The following UBR4 variants were observed in gnomAD, a reference collection of about 807,000 sequenced individuals.
UBR4 encodes the protein ubiquitin protein ligase E3 component n-recognin 4.
Under a neutral mutation model 575.6 loss-of-function variants are expected in UBR4, and 124 were observed. That is an observed-to-expected ratio of 0.22 (90% confidence interval 0.19 to 0.25). UBR4 has a LOEUF of 0.25. Ranked by LOEUF, UBR4 falls within the 10% of genes least tolerant of loss-of-function variation. The pLI is 1.00. For synonymous variants in UBR4, 2,455 were observed against 2,473.7 expected (o/e 0.99, Z 0.22); for missense variants, 4,818 against 6,478.8 (o/e 0.74, Z 8.80).
At chr1:19,119,477 T>C in intron 70 of UBR4, 80 bp downstream of exon 70, 2 of 1,546,436 alleles carry the variant, frequency 1.3e-6, no homozygotes, top group Non-Finnish European at 1.8e-6. Flanking sequence ...TATATCTGGG[T>C]TGTTCATAAT....
rs2149325728 is a variant in UBR4 at position 19,112,604 on chromosome 1, C to T, written c.11721G>A (p.Arg3907=). The change falls in exon 78 of 106, where the codon CGG becomes CGA. Residue 3907 remains arginine, a synonymous_variant. Coordinates refer to ENST00000375254, the MANE Select transcript of UBR4 (RefSeq NM_020765.3). The part of the protein sequence containing the change: ...RHILVSQGLI[R]ELFDYNLRRG... ...GGCGAAGATTATAATCAAAGAGCTC[C>T]CGGATAAGGCCCTGGGAGACAAGGA... 6.2e-7 allele frequency: 1 copy of T among 1,614,244 alleles called. No homozygotes were observed.
At chr1:19,205,740 A>C (rs2092974432) in intron 1 of UBR4, among the ~76,000 whole-genome samples, 1 of 151,738 alleles carries the variant, frequency 6.6e-6, no homozygotes, top group Non-Finnish European at 1.5e-5. Flanking sequence ...TCCTTTGAAG[A>C]CTTTTAGGAA....
rs773858051 is a variant in UBR4 at position 19,139,087 on chromosome 1, G to A, written c.8727C>T (p.His2909=). ...GSAVDSVAGE[H]SVSGRSSAYG... ...ACCCCCGCCATGGCACATTACCACT[G>A]TGCTCGCCAGCCACTGAGTCCACTG... Residue 2909 remains histidine (H), a synonymous_variant, in exon 59 of 106, where the codon CAC becomes CAT. Transcript: ENST00000375254. The surrounding 1 kb of genome is among the most constrained non-coding windows in gnomAD (Gnocchi z 4.2). 12 of 1,611,918 alleles carry A rather than the reference G, an allele frequency of 7.4e-6. No homozygotes were observed. The highest frequency in any genetic ancestry group is 1.0e-5 in the Non-Finnish European group (12 of 1,178,868).
intron 52 of UBR4, among the ~76,000 whole-genome samples, chr1:19,146,517 AG>A (rs5772831): frequency 6.6e-6 from 1 of 152,268 alleles, no homozygotes; most frequent in Non-Finnish European, 1.5e-5. Flanking sequence ...TAAAGCAACC[AG>A]GGCCCAACCA....
intron 38 of UBR4, 79 bp from the exon 39 acceptor site, chr1:19,160,360 G>C: frequency 7.6e-7 from 1 of 1,323,214 alleles, no homozygotes; most frequent in African/African-American, 1.5e-5. Flanking sequence ...AAATCATCTT[G>C]CCAGTAACTT....
chr1:19,202,727 G>T (rs936281522), intron 1 of UBR4, among the ~76,000 whole-genome samples: 9 of 152,078 alleles, frequency 5.9e-5, no homozygotes. Context: ...AGGTTTAAAG[G>T]CTGGATACAT....
chr1:19,198,099 C>T (rs761712636), intron 5 of UBR4, 50 bp from the exon 6 acceptor site: 15 of 1,571,524 alleles, frequency 9.5e-6, no homozygotes, highest in East Asian at 2.2e-5. Flanking sequence ...CTTCACCAAA[C>T]CAACTGTCAA....
rs780095432 is a variant in UBR4 at position 19,093,293 on chromosome 1, G to A, written c.14111+20C>T. On this transcript the variant is annotated intron_variant, in intron 96 of 105. Transcript: ENST00000375254. The surrounding 1 kb of genome is among the most constrained non-coding windows in gnomAD (Gnocchi z 4.8). The stretch of plus-strand genomic sequence containing the variant: ...GGCAAAGCGAAGGCAAAGCAGCCCC[G>A]CTGCGGGAGGGCTTCATACTTCTTG... 1.2e-5 allele frequency: 19 copies of A among 1,608,694 alleles called. No individual in the cohort carries two copies. The highest frequency in any genetic ancestry group is 2.2e-5 in the South Asian group (2 of 90,690).
intron 12 of UBR4, 55 bp downstream of exon 12, chr1:19,187,386 C>A: frequency 6.2e-7 from 1 of 1,611,372 alleles, no homozygotes. Context: ...GCTTGCTTGG[C>A]CAGAAGTGGA....
At chr1:19,156,064 T>A (rs769587018) in intron 42 of UBR4, among the ~76,000 whole-genome samples, 4 of 152,018 alleles carry the variant, frequency 2.6e-5, no homozygotes, top group African/African-American at 7.3e-5. Context: ...TGGAGTGGAG[T>A]GGCGTGGCAT....
chr1:19,110,861 A>G lies in UBR4; in HGVS notation c.11802-29T>C, dbSNP rs1205701212. The G allele has an allele frequency of 6.2e-7, 1 of 1,602,030 alleles. No homozygotes were observed. Among genetic ancestry groups the G allele is most frequent in the Non-Finnish European group, 8.5e-7 (1 of 1,171,052 alleles). Reference sequence around the variant, plus strand: ...CAGAAGCAAATAGAAATGGAGTCCTATAATTCACAATCAGGTGTGACACTC... The same window carrying G: ...CAGAAGCAAATAGAAATGGAGTCCTGTAATTCACAATCAGGTGTGACACTC... On this transcript the variant is annotated intron_variant, in intron 78 of 105. Transcript: ENST00000375254. The surrounding 1 kb of genome is among the most constrained non-coding windows in gnomAD (Gnocchi z 4.5).
At chr1:19,168,273 A>C (rs1571370357) in intron 27 of UBR4, 89 bp from the exon 28 acceptor site, 1 of 1,301,864 alleles carries the variant, frequency 7.7e-7, no homozygotes, top group Admixed American at 2.6e-5. Context: ...ATAAACTAAG[A>C]CCCCACTGAC....
intron 83 of UBR4, 142 bp from the exon 84 acceptor site, chr1:19,105,984 C>T (rs1236575673): frequency 3.7e-6 from 2 of 539,182 alleles, no homozygotes; most frequent in Admixed American, 3.8e-5. Context: ...GTAAAAATCA[C>T]CAGCTAACAC....
intron 64 of UBR4, among the ~76,000 whole-genome samples, chr1:19,125,372 G>C (rs1344359188): frequency 6.6e-6 from 1 of 152,132 alleles, no homozygotes; most frequent in East Asian, 1.9e-4. Context: ...AGAGTGTAGA[G>C]GGGAAGACAG....
chr1:19,149,882 T>TGGA, intron 49 of UBR4: 1 of 1,063,788 alleles, frequency 9.4e-7, no homozygotes, highest in African/African-American at 1.7e-5. Flanking sequence ...AAACCATGTA[T>TGGA]GGATAGGGCA....
intron 18 of UBR4, 99 bp from the exon 19 acceptor site, chr1:19,177,842 G>A: frequency 1.5e-6 from 2 of 1,315,732 alleles, no homozygotes; most frequent in South Asian, 3.0e-5. Flanking sequence ...CTAAACCCAG[G>A]CAGTAAGATA....
rs973322267 is a variant in UBR4 at position 19,139,979 on chromosome 1, A to G, written c.8594-759T>C. On this transcript the variant is annotated intron_variant, in intron 58 of 105. Transcript: ENST00000375254. The surrounding 1 kb of genome is among the most constrained non-coding windows in gnomAD (Gnocchi z 4.2). The stretch of plus-strand genomic sequence containing the variant: ...ACACGACTGGCACAACACAACAGCA[A>G]CCTCAGAGCCTGAAATGACAGCAAC... Among the ~76,000 whole-genome samples the G allele has an allele frequency of 6.6e-6, 1 of 152,098 alleles. No homozygotes were observed. Among genetic ancestry groups the G allele is most frequent in the Non-Finnish European group, 1.5e-5 (1 of 68,006 alleles).
chr1:19,115,032 A>G, intron 74 of UBR4, 83 bp from the exon 75 acceptor site: 1 of 1,570,150 alleles, frequency 6.4e-7, no homozygotes, highest in Non-Finnish European at 8.7e-7. Flanking sequence ...ATTGTGCCAC[A>G]TTTATATACT....
chr1:19,097,460 A>G lies in UBR4; in HGVS notation c.13303-180T>C, dbSNP rs1453489606. ...AATTCACTTAGGGGAAAGAATGCTA[A>G]TTTTATTTTGTGTCTACTAGAAGCT... On this transcript the variant is annotated intron_variant, in intron 90 of 105. Transcript: ENST00000375254. Among the ~76,000 whole-genome samples, 89 of 152,212 alleles carry G rather than the reference A, an allele frequency of 5.8e-4. 1 individual carries two copies. Among genetic ancestry groups the G allele is most frequent in the Admixed American group, 5.8e-3 (89 of 15,286 alleles).
Sources: allele counts gnomAD v4.1 joint callset (sites outside exome capture counted in the v4.1 genomes callset), GRCh38; gene constraint gnomAD v4.1.1; non-coding constraint Gnocchi (gnomAD v3.1); transcripts MANE v1.5; gene names NCBI Gene and HGNC (gene_info 2026-07-23, HGNC 2026-07-21).